Variants in CNOT10 observed in about 807,000 individuals in gnomAD.
The protein encoded by CNOT10 is CCR4-NOT transcription complex subunit 10.
A neutral mutation model predicts 94.6 loss-of-function variants in CNOT10; 30 were observed. That is an observed-to-expected ratio of 0.32 (90% CI 0.24 to 0.43). The LOEUF (loss-of-function observed/expected upper bound fraction) is 0.43. Ranked by LOEUF, CNOT10 falls within the 20% of genes least tolerant of loss-of-function variation. The pLI is 1.00. For synonymous variants in CNOT10, 289 were observed against 301.6 expected (o/e 0.96, Z 0.43); for missense variants, 759 against 877.2 (o/e 0.87, Z 1.70).
chr3:32,704,000 G>T, intron 2 of CNOT10, 38 bp downstream of exon 2: 3 of 1,301,290 alleles, frequency 2.3e-6, no homozygotes, highest in South Asian at 1.3e-5. Flanking sequence ...CAAGTTGTAG[G>T]GTTCTGTCAA....
intron 1 of CNOT10, among the ~76,000 whole-genome samples, chr3:32,685,939 C>CTT (rs113916685): frequency 3.3e-5 from 5 of 150,022 alleles, no homozygotes; most frequent in African/African-American, 9.8e-5. Flanking sequence ...GTAAAAACCA[C>CTT]TTTTTTTTTT....
intron 10 of CNOT10, chr3:32,730,968 G>A (rs1698916370): frequency 1.3e-5 from 2 of 152,232 alleles, no homozygotes; most frequent in South Asian, 4.1e-4. Context: ...ACGTTTTTTA[G>A]TTCCATTCCA....
chr3:32,760,811 A>G (rs1700411284), intron 14 of CNOT10, among the ~76,000 whole-genome samples: 1 of 151,746 alleles, frequency 6.6e-6, no homozygotes, highest in Non-Finnish European at 1.5e-5. Context: ...ATCCCCAAAC[A>G]TACCTAGTGT....
At chr3:32,697,450 T>A (rs7375111) in intron 1 of CNOT10, among the ~76,000 whole-genome samples, 10 of 152,010 alleles carry the variant, frequency 6.6e-5, no homozygotes, top group Non-Finnish European at 1.2e-4. Context: ...CATATTTTAC[T>A]TATTTATTTT....
intron 8 of CNOT10, among the ~76,000 whole-genome samples, chr3:32,723,592 A>G (rs1173753636): frequency 1.3e-5 from 2 of 152,172 alleles, no homozygotes; most frequent in Non-Finnish European, 2.9e-5. Context: ...TTTAGAAAAC[A>G]TGGCTAAATT....
At chr3:32,726,205 A>G (rs1698658305) in intron 9 of CNOT10, among the ~76,000 whole-genome samples, 1 of 152,136 alleles carries the variant, frequency 6.6e-6, no homozygotes, top group African/African-American at 2.4e-5. Context: ...CAGTCTTCCA[A>G]GGTGCTGGAA....
chr3:32,763,717 T>G (rs747923379), intron 15 of CNOT10, among the ~76,000 whole-genome samples: 22 of 152,194 alleles, frequency 1.4e-4, no homozygotes, highest in Non-Finnish European at 3.2e-4. Context: ...AGTGCTCAGG[T>G]TTGAGATGGT....
chr3:32,762,689 G>T (rs1332803987), intron 14 of CNOT10, 44 bp from the exon 15 acceptor site: 3 of 1,560,934 alleles, frequency 1.9e-6, no homozygotes, highest in East Asian at 2.4e-5. Context: ...GGGTATTTTT[G>T]TGACGTTGTA....
At chr3:32,690,350 A>G (rs765953151) in intron 1 of CNOT10, among the ~76,000 whole-genome samples, 9 of 152,130 alleles carry the variant, frequency 5.9e-5, no homozygotes, top group Non-Finnish European at 1.0e-4. Flanking sequence ...AACAGGTTAA[A>G]TGATATAATC....
At chr3:32,723,151 T>G (rs1559492948) in intron 8 of CNOT10, among the ~76,000 whole-genome samples, 1 of 152,018 alleles carries the variant, frequency 6.6e-6, no homozygotes, top group African/African-American at 2.4e-5. Flanking sequence ...CTCAGCACTT[T>G]GGGAGGCTGA....
At chr3:32,756,493 G>T (rs779745903) in intron 13 of CNOT10, among the ~76,000 whole-genome samples, 3 of 152,114 alleles carry the variant, frequency 2.0e-5, no homozygotes, top group Non-Finnish European at 4.4e-5. Flanking sequence ...GTCGGGAGAG[G>T]CCAGGGCAGG....
intron 8 of CNOT10, among the ~76,000 whole-genome samples, chr3:32,721,429 C>CTTTTTTTTCTTTT (rs1698401399): frequency 1.4e-5 from 1 of 72,596 alleles, no homozygotes; most frequent in Admixed American, 2.1e-4. Flanking sequence ...TTTCTTTCAT[C>CTTTTTTTTCTTTT]TTTTTTTTTT....
At chr3:32,733,290 A>G (rs9798936) in intron 10 of CNOT10, 133 bp from the exon 11 acceptor site, 482,108 of 604,490 alleles carry the variant, frequency 0.8, 193,022 homozygotes, top group Admixed American at 0.85. Flanking sequence ...TGTTTCCATT[A>G]TCACCAAAAA....
chr3:32,714,554 C>CA (rs60777154), intron 5 of CNOT10, among the ~76,000 whole-genome samples: 20,091 of 151,914 alleles, frequency 0.13, 1,455 homozygotes, highest in South Asian at 0.19. Flanking sequence ...ACTAAAAATA[C>CA]AAAAAATAGC....
At chr3:32,755,097 TTAGG>T (rs1700164702) in intron 13 of CNOT10, among the ~76,000 whole-genome samples, 1 of 150,038 alleles carries the variant, frequency 6.7e-6, no homozygotes, top group African/African-American at 2.4e-5. Flanking sequence ...AAATACAAAA[TTAGG>T]TGGGTGTGGT....
intron 18 of CNOT10, among the ~76,000 whole-genome samples, chr3:32,772,755 G>T (rs1194473007): frequency 2.6e-5 from 4 of 152,214 alleles, no homozygotes; most frequent in South Asian, 4.2e-4. Flanking sequence ...CTCTTACAAG[G>T]CTCCCTTTTT....
At chr3:32,701,057 G>A (rs572563316) in intron 1 of CNOT10, among the ~76,000 whole-genome samples, 11 of 152,036 alleles carry the variant, frequency 7.2e-5, no homozygotes, top group Non-Finnish European at 1.3e-4. Flanking sequence ...GCAGTCACCT[G>A]GGAGGTCAGA....
At chr3:32,741,413 T>C (rs973944307) in intron 13 of CNOT10, among the ~76,000 whole-genome samples, 6 of 152,130 alleles carry the variant, frequency 3.9e-5, no homozygotes, top group African/African-American at 1.4e-4. Flanking sequence ...CATAAATCTT[T>C]GTCTCTCAGG....
chr3:32,724,573 C>T (rs897361436), intron 8 of CNOT10, among the ~76,000 whole-genome samples: 30 of 152,076 alleles, frequency 2.0e-4, no homozygotes, highest in Non-Finnish European at 3.7e-4. Flanking sequence ...CCACCACGCC[C>T]GGCTAATTTT....
Sources: allele counts gnomAD v4.1 joint callset (sites outside exome capture counted in the v4.1 genomes callset), GRCh38; gene constraint gnomAD v4.1.1; transcripts MANE v1.5; gene names NCBI Gene and HGNC (gene_info 2026-07-23, HGNC 2026-07-21).